ABCC1: variants seen among roughly 807,000 people sequenced by gnomAD.
The protein encoded by ABCC1 is ATP binding cassette subfamily C member 1 (ABCC1 blood group).
ABCC1 carries 83 observed loss-of-function variants against 172.9 expected under a neutral mutation model. That is an observed-to-expected ratio of 0.48 (90% CI 0.40 to 0.58). ABCC1 has a LOEUF of 0.58. ABCC1 is among the 20% of genes least tolerant of loss of function. The probability of loss-of-function intolerance (pLI) is 0.00; values close to 1 mark genes in which losing one functional copy is unlikely to be tolerated. For missense variants in ABCC1, 1,817 were observed against 2,002.7 expected, an observed-to-expected ratio of 0.91 and a Z score of 1.77; for synonymous variants, 937 against 825.2, an observed-to-expected ratio of 1.14 and a Z score of -2.32.
intron 14 of ABCC1, 26 bp downstream of exon 14, chr16:16,071,755 C>T (rs370558513): frequency 6.3e-7 from 1 of 1,599,026 alleles, no homozygotes; most frequent in African/African-American, 1.3e-5. Flanking sequence ...GTCCTGGCTT[C>T]TGGAAGTGGC....
At position 16,043,220 on chromosome 16, in the gene ABCC1, C is replaced by CCGTTTTTTTTTTT. The variant is rs1437069469; in HGVS notation, c.810-1230_810-1229insCGTTTTTTTTTTT. Among the ~76,000 whole-genome samples the CCGTTTTTTTTTTT allele has an allele frequency of 2.1e-4, 20 of 93,172 alleles. 1 individual carries two copies. Among genetic ancestry groups the CCGTTTTTTTTTTT allele is most frequent in the African/African-American group, 1.1e-3 (18 of 16,604 alleles). The allele number at this position is 93,172 out of a possible 152,430, so 61.1% of individuals were successfully genotyped here. A position where few individuals can be genotyped will look rare whatever the true frequency, so the allele number is the denominator to read the frequency against. On this transcript the variant is annotated intron_variant, in intron 7 of 30. Transcript: ENST00000399410. ...TGCTGTGTTGCTCTGGCTGGCTGGA[C>CCGTTTTTTTTTTT]TGTTTTTTTTTTTTTTTTTTTTTCC...
At chr16:16,053,235 T>C (rs370121835) in intron 11 of ABCC1, among the ~76,000 whole-genome samples, 8,363 of 152,202 alleles carry the variant, frequency 0.055, 264 homozygotes, top group Middle Eastern at 0.13. Context: ...TTTTTCCCCC[T>C]TATTAGCTCT....
rs149649482 is a variant in ABCC1 at position 16,100,919 on chromosome 16, C to A, written c.2645-1708C>A. Among the ~76,000 whole-genome samples the A allele has an allele frequency of 2.3e-3, 350 of 152,276 alleles. 4 individuals are homozygous for A. The highest frequency in any genetic ancestry group is 8.2e-3 in the African/African-American group (341 of 41,550). On this transcript the variant is annotated intron_variant, in intron 19 of 30. Transcript: ENST00000399410. ...ATATCACAGTTCCTGGAGCTCTAAT[C>A]GAGACTCATAGCAGGGACTGGGCTG... is the stretch of plus-strand genomic sequence containing the variant.
intron 29 of ABCC1, among the ~76,000 whole-genome samples, chr16:16,137,196 A>G (rs886170117): frequency 5.3e-5 from 8 of 152,084 alleles, no homozygotes; most frequent in Non-Finnish European, 1.0e-4. Context: ...CATTGCTGCC[A>G]TACGAGGGCA....
At chr16:16,033,506 C>T (rs77586587) in intron 6 of ABCC1, among the ~76,000 whole-genome samples, 1 of 152,242 alleles carries the variant, frequency 6.6e-6, no homozygotes, top group East Asian at 1.9e-4. Context: ...GACATTGTCC[C>T]CCTCCTGTCC....
At position 16,104,924 on chromosome 16, in the gene ABCC1, C is replaced by T. The variant is rs574172799; in HGVS notation, c.2736-1814C>T. Among the ~76,000 whole-genome samples the T allele has an allele frequency of 5.9e-5, 9 of 152,264 alleles. No individual in the cohort carries two copies. In the South Asian group the frequency reaches 6.2e-4, roughly 11 times the overall value. On this transcript the variant is annotated intron_variant, in intron 20 of 30. Coordinates refer to ENST00000399410, the MANE Select transcript of ABCC1 (RefSeq NM_004996.4). Reference sequence around the variant, plus strand: ...CGGGGCTGCCCGGCAGCTCTGAGTGCGGGGTCCACCGAGCCGACGCCCACC... The same window carrying T: ...CGGGGCTGCCCGGCAGCTCTGAGTGTGGGGTCCACCGAGCCGACGCCCACC...
chr16:16,026,681 C>T lies in ABCC1; in HGVS notation c.616-6428C>T, dbSNP rs889756997. Among the ~76,000 whole-genome samples, 10 of 151,652 alleles carry T rather than the reference C, an allele frequency of 6.6e-5. 1 individual carries two copies. The highest frequency in any genetic ancestry group is 4.6e-4 in the Admixed American group (7 of 15,194). On this transcript the variant is annotated intron_variant, in intron 5 of 30. Transcript: ENST00000399410. ...CTGTAATCCCAGCGCTTTGTGAGGCCGAGATAGGCGGATCAGTTGAGGTCA... is the reference window on the plus strand; with the variant it reads ...CTGTAATCCCAGCGCTTTGTGAGGCTGAGATAGGCGGATCAGTTGAGGTCA...
At chr16:16,096,160 C>T in intron 19 of ABCC1, among the ~76,000 whole-genome samples, 1 of 151,430 alleles carries the variant, frequency 6.6e-6, no homozygotes, top group East Asian at 2.0e-4. Context: ...ATCCGGGGGG[C>T]AGAGCTTGCA....
Position 16,125,824 on chromosome 16 carries a change from G to A in ABCC1, c.3732G>A (p.Leu1244=), listed in dbSNP as rs1313254293. ...TCCACTCACAGGTCACCACGTACTT[G>A]AACTGGCTGGTTCGGATGTCATCTG... The part of the protein sequence containing the change: ...VSYSLQVTTY[L]NWLVRMSSEM... Residue 1244 remains leucine, a synonymous_variant, in exon 26 of 31, where the codon TTG becomes TTA. Coordinates refer to ENST00000399410, the MANE Select transcript of ABCC1 (RefSeq NM_004996.4). 3 of 1,613,374 alleles carry A rather than the reference G, an allele frequency of 1.9e-6. No individual in the cohort carries two copies. Among genetic ancestry groups the A allele is most frequent in the Non-Finnish European group, 2.5e-6 (3 of 1,179,718 alleles).
chr16:16,042,173 G>T (rs2049000257), intron 7 of ABCC1, among the ~76,000 whole-genome samples: 1 of 133,804 alleles, frequency 7.5e-6, no homozygotes. Flanking sequence ...GAGTTTGGCA[G>T]TTTTTTTTTT....
At chr16:15,979,618 C>G (rs993319749) in intron 1 of ABCC1, among the ~76,000 whole-genome samples, 1 of 152,020 alleles carries the variant, frequency 6.6e-6, no homozygotes, top group African/African-American at 2.4e-5. Context: ...CTCCTGTCTC[C>G]AGGTAGGCAA....
rs1176795885 is a variant in ABCC1, at chr16:16,138,263, A to G, written c.4293-101A>G. 7 of 1,135,176 alleles carry G rather than the reference A, an allele frequency of 6.2e-6. No individual in the cohort carries two copies. The African/African-American group carries it at 7.7e-5, about 13-fold the overall frequency. 70.3% of individuals were successfully genotyped at this position (1,135,176 alleles called of 1,614,324 possible). A position where few individuals can be genotyped will look rare whatever the true frequency, so the allele number is the denominator to read the frequency against. ...GTGGACATGCTTTCCTGGTCAAGCA[A>G]CATAGAGTGTCTCCTTTCGCTTCTC... On this transcript the variant is annotated intron_variant, in intron 29 of 30. Coordinates refer to ENST00000399410, the MANE Select transcript of ABCC1 (RefSeq NM_004996.4).
chr16:16,013,462 G>C (rs2047873920), intron 3 of ABCC1, among the ~76,000 whole-genome samples: 1 of 151,816 alleles, frequency 6.6e-6, no homozygotes, highest in Non-Finnish European at 1.5e-5. Context: ...GTAGAGATAG[G>C]GTTTCACCAT....
intron 19 of ABCC1, among the ~76,000 whole-genome samples, chr16:16,095,521 C>T (rs923616904): frequency 6.6e-6 from 1 of 152,214 alleles, no homozygotes; most frequent in African/African-American, 2.4e-5. Context: ...CCCCCTTACC[C>T]TGCCCCCCGT....
intron 23 of ABCC1, among the ~76,000 whole-genome samples, chr16:16,121,594 T>TA (rs2045160104): frequency 6.6e-6 from 1 of 152,218 alleles, no homozygotes. Context: ...ATCCCAGTTC[T>TA]GCCCCTTGCT....
intron 1 of ABCC1, among the ~76,000 whole-genome samples, chr16:15,960,241 C>G (rs1001061587): frequency 6.6e-6 from 1 of 151,740 alleles, no homozygotes; most frequent in African/African-American, 2.4e-5. Context: ...CCAGCACACC[C>G]GGCTAATTTT....
intron 12 of ABCC1, among the ~76,000 whole-genome samples, chr16:16,060,800 G>A (rs1027851298): frequency 2.0e-5 from 3 of 151,914 alleles, no homozygotes; most frequent in African/African-American, 7.3e-5. Context: ...GGGATTACAA[G>A]CGTGAGCCAC....
chr16:16,016,443 C>T (rs2048000062), intron 4 of ABCC1, 53 bp from the exon 5 acceptor site: 9 of 1,607,584 alleles, frequency 5.6e-6, no homozygotes, highest in Non-Finnish European at 7.6e-6. Context: ...CGTGAGCCAC[C>T]ACACCCAGCC....
At chr16:16,129,490 T>TA in intron 26 of ABCC1, among the ~76,000 whole-genome samples, 1 of 151,332 alleles carries the variant, frequency 6.6e-6, no homozygotes, top group East Asian at 1.9e-4. Context: ...CTCTACAAAA[T>TA]AAAAAATAAT....
Sources: allele counts gnomAD v4.1 joint callset (sites outside exome capture counted in the v4.1 genomes callset), GRCh38; gene constraint gnomAD v4.1.1; transcripts MANE v1.5; gene names NCBI Gene and HGNC (gene_info 2026-07-23, HGNC 2026-07-21).